The following CACNG7 variants were observed in gnomAD, a reference collection of about 807,000 sequenced individuals.
CACNG7 encodes calcium voltage-gated channel auxiliary subunit gamma 7.
CACNG7 carries 9 observed loss-of-function variants against 26.3 expected under a neutral mutation model. That is an observed-to-expected ratio of 0.34 (90% CI 0.21 to 0.60). The LOEUF is 0.60. Among genes scored for constraint, CACNG7 ranks in the 20% least tolerant of loss-of-function variants. CACNG7 has a pLI of 0.81. For synonymous variants in CACNG7, 170 were observed against 157.0 expected (o/e 1.08, Z -0.62); for missense variants, 297 against 380.4 (o/e 0.78, Z 1.82).
At chr19:53,919,274 G>C (rs536282957) in intron 4 of CACNG7, among the ~76,000 whole-genome samples, 2 of 152,216 alleles carry the variant, frequency 1.3e-5, no homozygotes, top group Non-Finnish European at 2.9e-5. Context: ...CCTCCTGTTC[G>C]CAATGAGGAA....
rs548960051 is a variant in CACNG7, at chr19:53,942,366, C to T, written c.*73C>T. ...GGGGGGTCTCCCTGCAATGCAGCGC[C>T]CCCTTCCGTCCTCGGGACTCCTCGC... is the stretch of plus-strand genomic sequence containing the variant. On this transcript the variant is annotated 3_prime_UTR_variant, in exon 6 of 6. Coordinates refer to ENST00000391767, the MANE Select transcript of CACNG7 (RefSeq NM_031896.5). This position sits in a 1 kb window ranked among gnomAD's most constrained non-coding sequence, Gnocchi z 5.9. 521 of 1,539,400 alleles carry T rather than the reference C, an allele frequency of 3.4e-4. 3 individuals are homozygous for T. The Admixed American group carries it at 8.4e-3, about 25-fold the overall frequency.
intron 4 of CACNG7, among the ~76,000 whole-genome samples, chr19:53,919,487 G>A (rs1034210082): frequency 1.3e-5 from 2 of 149,530 alleles, no homozygotes; most frequent in African/African-American, 5.0e-5. Flanking sequence ...CCCCAGGTCT[G>A]GTCATTGGTG....
At chr19:53,928,907 G>A (rs530764723) in intron 4 of CACNG7, among the ~76,000 whole-genome samples, 12 of 151,994 alleles carry the variant, frequency 7.9e-5, no homozygotes, top group Non-Finnish European at 1.3e-4. Flanking sequence ...TCAGGGGTTC[G>A]AGACCAGCCT....
At chr19:53,930,131 A>G (rs2069061273) in intron 4 of CACNG7, among the ~76,000 whole-genome samples, 1 of 148,990 alleles carries the variant, frequency 6.7e-6, no homozygotes, top group Admixed American at 6.7e-5. Flanking sequence ...GGGTTATTAT[A>G]TTATCCCACC....
intron 2 of CACNG7, 38 bp downstream of exon 2, chr19:53,913,065 C>G: frequency 6.4e-7 from 1 of 1,573,914 alleles, no homozygotes; most frequent in Non-Finnish European, 8.7e-7. Context: ...ACAGTTTCTG[C>G]CTTGCCTGGG....
intron 4 of CACNG7, among the ~76,000 whole-genome samples, chr19:53,933,456 C>T (rs756360475): frequency 7.9e-5 from 12 of 151,822 alleles, no homozygotes; most frequent in Non-Finnish European, 1.6e-4. Context: ...CCCAACACCA[C>T]ACCTGGCTAA....
At chr19:53,923,879 CCTGGTCATTGGTGGAGTTGCCCCAGGT>C (rs2068993216) in intron 4 of CACNG7, among the ~76,000 whole-genome samples, 2 of 59,064 alleles carry the variant, frequency 3.4e-5, no homozygotes, top group Non-Finnish European at 6.3e-5. Flanking sequence ...TTGCCCCAGG[CCTGGTCATTGGTGGAGTTGCCCCAGGT>C]CTGGTCATTG....
chr19:53,914,611 GCA>G, intron 3 of CACNG7, 25 bp downstream of exon 3: 1 of 1,593,772 alleles, frequency 6.3e-7, no homozygotes, highest in Non-Finnish European at 8.6e-7. Context: ...GGGCACCTAG[GCA>G]CAAGACAGCA....
At chr19:53,915,582 C>A in intron 4 of CACNG7, 77 bp downstream of exon 4, 1 of 1,540,912 alleles carries the variant, frequency 6.5e-7, no homozygotes. Flanking sequence ...CACTTAGCCA[C>A]TTCCTTGCTG....
rs762464707 is a variant in CACNG7 at position 53,942,190 on chromosome 19, G to A, written c.725G>A (p.Ser242Asn). The A allele has an allele frequency of 6.2e-7, 1 of 1,614,016 alleles. No homozygotes were observed. Among genetic ancestry groups the A allele is most frequent in the Admixed American group, 1.7e-5 (1 of 60,016 alleles). ...LQPEAWRRGRSPSDISSDVSI... is the reference protein window; with the variant it reads ...LQPEAWRRGRNPSDISSDVSI... ...CCCGAGGCGTGGCGCCGCGGCCGGA[G>A]CCCCTCCGACATCTCCAGCGACGTG... Residue 242 changes from serine (S) to asparagine (N), a missense_variant, in exon 6 of 6, where the codon AGC becomes AAC. Ser to Asn is a conservative substitution (Grantham distance 46). Transcript: ENST00000391767. The surrounding 1 kb of genome is among the most constrained non-coding windows in gnomAD (Gnocchi z 5.9).
intron 4 of CACNG7, among the ~76,000 whole-genome samples, chr19:53,930,025 T>C (rs1292609788): frequency 3.3e-5 from 2 of 60,928 alleles, no homozygotes; most frequent in Non-Finnish European, 6.4e-5. Context: ...AGATGTCTAA[T>C]AAAAAAGTAA....
rs2069136803 is a variant in CACNG7 at position 53,941,450 on chromosome 19, C to T, written c.425-20C>T. On this transcript the variant is annotated intron_variant, in intron 4 of 5. Coordinates refer to ENST00000391767, the MANE Select transcript of CACNG7 (RefSeq NM_031896.5). The stretch of plus-strand genomic sequence containing the variant: ...GGGGCCCACTTCTAATGGACGAGGG[C>T]ACCCCCTCTGCTCCCCTAGGCCTCT... The T allele has an allele frequency of 1.3e-6, 2 of 1,512,130 alleles. No individual in the cohort carries two copies. Among genetic ancestry groups the T allele is most frequent in the East Asian group, 5.1e-5 (2 of 39,314 alleles). 93.7% of individuals were successfully genotyped at this position (1,512,130 alleles called of 1,614,324 possible). A position where few individuals can be genotyped will look rare whatever the true frequency, so the allele number is the denominator to read the frequency against.
intron 4 of CACNG7, among the ~76,000 whole-genome samples, chr19:53,925,683 C>T (rs868028913): frequency 6.6e-6 from 1 of 152,194 alleles, no homozygotes; most frequent in East Asian, 1.9e-4. Context: ...AGGAGGATTA[C>T]GGTCACAGCT....
Position 53,943,461 on chromosome 19 carries a change from A to G in CACNG7, c.*1168A>G. ...GGGGCGAGGTAGCACAGTGCTGTAC[A>G]CGGAACCAGAATGGCCCCCGGGGTG... is the stretch of plus-strand genomic sequence containing the variant. On this transcript the variant is annotated 3_prime_UTR_variant, in exon 6 of 6. Transcript: ENST00000391767. 7.6e-6 allele frequency: 1 copy of G among 131,104 alleles called. No homozygotes were observed. The highest frequency in any genetic ancestry group is 1.6e-5 in the Non-Finnish European group (1 of 61,852). 8.1% of individuals were successfully genotyped at this position (131,104 alleles called of 1,614,324 possible).
rs956509841 is a variant in CACNG7 at position 53,918,831 on chromosome 19, C to T, written c.424+3326C>T. Among the ~76,000 whole-genome samples the T allele has an allele frequency of 2.0e-5, 3 of 152,068 alleles. No homozygotes were observed. The South Asian group carries it at 6.2e-4, about 31-fold the overall frequency. ...TCGCCCAGGCTGGAGTGCAATGGCG[C>T]GATCTCGGCTCACTGCAACCTCCGC... On this transcript the variant is annotated intron_variant, in intron 4 of 5. Transcript: ENST00000391767.
rs147951212 is a variant in CACNG7 at position 53,925,614 on chromosome 19, G to A, written c.424+10109G>A. Among the ~76,000 whole-genome samples, 309 of 152,330 alleles carry A rather than the reference G, an allele frequency of 2.0e-3. 7 individuals are homozygous for A. In the East Asian group the frequency reaches 0.044, roughly 22 times the overall value. On this transcript the variant is annotated intron_variant, in intron 4 of 5. Coordinates refer to ENST00000391767, the MANE Select transcript of CACNG7 (RefSeq NM_031896.5). ...GCTGGTCATTGGGGGAGTTGCCCCA[G>A]GTCTGGTATTGGTGGAGTTGGCATT...
rs777004997 is a variant in CACNG7, at chr19:53,942,186, C to A, written c.721C>A (p.Arg241=). The change falls in exon 6 of 6, where the codon CGG becomes AGG. Residue 241 remains arginine, a synonymous_variant. Transcript: ENST00000391767. The surrounding 1 kb of genome is among the most constrained non-coding windows in gnomAD (Gnocchi z 5.9). ...FLQPEAWRRG[R]SPSDISSDVS... The stretch of plus-strand genomic sequence containing the variant: ...GCAGCCCGAGGCGTGGCGCCGCGGC[C>A]GGAGCCCCTCCGACATCTCCAGCGA... The A allele has an allele frequency of 3.7e-6, 6 of 1,613,924 alleles. No homozygotes were observed. The Admixed American group carries it at 1.0e-4, about 27-fold the overall frequency.
Position 53,912,971 on chromosome 19 carries a change from C to G in CACNG7, c.140C>G (p.Thr47Ser). The part of the protein sequence containing the change: ...EEGTVLPQNQ[T>S]TEVKMALHAG... ...GGCACAGTGCTACCGCAGAACCAGACCACCGAGGTCAAGATGGCCCTGCAC... is the reference window on the plus strand; with the variant it reads ...GGCACAGTGCTACCGCAGAACCAGAGCACCGAGGTCAAGATGGCCCTGCAC... Residue 47 changes from threonine to serine, a missense_variant, in exon 2 of 6, where the codon ACC becomes AGC. Physicochemically the swap from Thr to Ser is moderately conservative, Grantham distance 58. Coordinates refer to ENST00000391767, the MANE Select transcript of CACNG7 (RefSeq NM_031896.5). This position sits in a 1 kb window ranked among gnomAD's most constrained non-coding sequence, Gnocchi z 4.6. 1 of 1,613,964 alleles carries G rather than the reference C, an allele frequency of 6.2e-7. No individual in the cohort carries two copies. Among genetic ancestry groups the G allele is most frequent in the Non-Finnish European group, 8.5e-7 (1 of 1,179,898 alleles).
intron 4 of CACNG7, among the ~76,000 whole-genome samples, chr19:53,917,680 A>G (rs1179428296): frequency 6.6e-6 from 1 of 152,180 alleles, no homozygotes; most frequent in Non-Finnish European, 1.5e-5. Context: ...GAAAGGTCTC[A>G]TCATTTTTCA....
Sources: gnomAD v4.1 joint callset for allele counts (sites outside exome capture counted in the v4.1 genomes callset) on GRCh38, gnomAD v4.1.1 for gene constraint, Gnocchi (gnomAD v3.1) non-coding constraint, MANE v1.5 for transcripts, NCBI Gene and HGNC (gene_info 2026-07-23, HGNC 2026-07-21) for gene names.